The following SRBD1 variants were observed in gnomAD, a reference collection of about 807,000 sequenced individuals.
The protein encoded by SRBD1 is S1 RNA binding domain 1.
In SRBD1, 88 loss-of-function variants were observed where a neutral mutation model predicts 115.3. The ratio of observed to expected loss-of-function variants is 0.76; its 90% CI spans 0.64 to 0.91. The LOEUF (loss-of-function observed/expected upper bound fraction) is 0.91. SRBD1 is among the 40% of genes least tolerant of loss of function. SRBD1 has a pLI of 0.00. For missense variants in SRBD1, 1,385 were observed against 1,177.4 expected (o/e 1.18, Z -2.58); for synonymous variants, 509 against 407.7 (o/e 1.25, Z -2.99).
intron 16 of SRBD1, among the ~76,000 whole-genome samples, chr2:45,441,798 T>G (rs141304471): frequency 6.6e-6 from 1 of 152,318 alleles, no homozygotes; most frequent in East Asian, 1.9e-4. Context: ...TAGAAACGCT[T>G]TCTTAGCAGG....
chr2:45,541,537 C>T (rs994858576), intron 14 of SRBD1, among the ~76,000 whole-genome samples: 1 of 152,252 alleles, frequency 6.6e-6, no homozygotes, highest in Non-Finnish European at 1.5e-5. Context: ...AGGAACTTCA[C>T]TGAGTGACAG....
At chr2:45,409,547 A>G (rs1667536043) in intron 19 of SRBD1, among the ~76,000 whole-genome samples, 1 of 151,706 alleles carries the variant, frequency 6.6e-6, no homozygotes, top group Admixed American at 6.6e-5. Context: ...AGAAAAGAAA[A>G]AAAAGAAGCA....
intron 4 of SRBD1, among the ~76,000 whole-genome samples, chr2:45,590,834 T>C (rs886495486): frequency 1.3e-5 from 2 of 152,040 alleles, no homozygotes; most frequent in African/African-American, 4.8e-5. Context: ...CTGATCAATA[T>C]GATGAAACTC....
At chr2:45,393,970 G>A (rs184650512) in intron 19 of SRBD1, among the ~76,000 whole-genome samples, 20 of 152,116 alleles carry the variant, frequency 1.3e-4, no homozygotes, top group Admixed American at 7.9e-4. Context: ...CTCAAATTCC[G>A]TAACAGTTGA....
intron 19 of SRBD1, among the ~76,000 whole-genome samples, chr2:45,400,681 T>C (rs755788393): frequency 6.6e-6 from 1 of 151,756 alleles, no homozygotes; most frequent in Non-Finnish European, 1.5e-5. Flanking sequence ...ACAACAAAAA[T>C]AACAGCAATA....
intron 16 of SRBD1, among the ~76,000 whole-genome samples, chr2:45,456,512 G>T (rs1386764359): frequency 6.6e-6 from 1 of 151,856 alleles, no homozygotes. Context: ...AATGGCTACT[G>T]TCATATAACC....
At chr2:45,564,918 C>A (rs189847888) in intron 9 of SRBD1, among the ~76,000 whole-genome samples, 35 of 152,236 alleles carry the variant, frequency 2.3e-4, no homozygotes, top group Admixed American at 2.2e-3. Context: ...GAATCAATCT[C>A]CTGTATATAC....
intron 18 of SRBD1, among the ~76,000 whole-genome samples, chr2:45,416,739 TG>T (rs1186957086): frequency 6.6e-5 from 10 of 152,200 alleles, no homozygotes; most frequent in African/African-American, 2.4e-4. Context: ...TTTTACTTTT[TG>T]TTCTTTTTTT....
At chr2:45,556,267 A>G (rs191713760) in intron 10 of SRBD1, among the ~76,000 whole-genome samples, 35 of 152,246 alleles carry the variant, frequency 2.3e-4, no homozygotes, top group Admixed American at 2.2e-3. Context: ...GAAAAAAGGC[A>G]TGAATTCAAC....
chr2:45,497,596 T>C (rs555244609), intron 14 of SRBD1, among the ~76,000 whole-genome samples: 78 of 152,306 alleles, frequency 5.1e-4, no homozygotes, highest in African/African-American at 1.7e-3. Flanking sequence ...CAGATACTTC[T>C]GGTCCCGGGC....
chr2:45,549,592 G>A lies in SRBD1; in HGVS notation c.1675+1533C>T, dbSNP rs908673097. On this transcript the variant is annotated intron_variant, in intron 12 of 20. Coordinates refer to ENST00000263736, the MANE Select transcript of SRBD1 (RefSeq NM_018079.5). ...AGTAACGTTAATTCTGGCTCATGCT[G>A]GTAATCCCAGCACTTTGGAAGGCCA... 7.1e-4 allele frequency among the ~76,000 whole-genome samples: 107 copies of A among 149,932 alleles called. 2 individuals are homozygous for A. The highest frequency in any genetic ancestry group is 2.6e-3 in the African/African-American group (107 of 40,774).
chr2:45,482,739 TAC>T (rs1482056113), intron 15 of SRBD1, among the ~76,000 whole-genome samples: 1 of 151,936 alleles, frequency 6.6e-6, no homozygotes, highest in Non-Finnish European at 1.5e-5. Context: ...CTTTTAAAAG[TAC>T]AGTCATCCTG....
At chr2:45,529,340 T>G (rs1409634995) in intron 14 of SRBD1, among the ~76,000 whole-genome samples, 1 of 151,798 alleles carries the variant, frequency 6.6e-6, no homozygotes, top group Non-Finnish European at 1.5e-5. Context: ...AGTAAAAAAA[T>G]GAAGAGTAGA....
chr2:45,572,883 G>T (rs2053185), intron 9 of SRBD1, among the ~76,000 whole-genome samples: 31,377 of 152,012 alleles, frequency 0.21, 5,707 homozygotes, highest in African/African-American at 0.49. Flanking sequence ...GTATTTCACA[G>T]GGAAGAGATC....
intron 16 of SRBD1, among the ~76,000 whole-genome samples, chr2:45,453,971 G>C (rs986535837): frequency 1.3e-5 from 2 of 152,028 alleles, no homozygotes; most frequent in African/African-American, 2.4e-5. Flanking sequence ...CAAAATGTGA[G>C]TATTAAATTA....
At chr2:45,442,160 C>T (rs1218748589) in intron 16 of SRBD1, among the ~76,000 whole-genome samples, 1 of 152,160 alleles carries the variant, frequency 6.6e-6, no homozygotes, top group Non-Finnish European at 1.5e-5. Context: ...CTAGGAAGTC[C>T]TGACATGTCA....
intron 19 of SRBD1, among the ~76,000 whole-genome samples, chr2:45,402,393 T>C (rs1251846252): frequency 6.6e-6 from 1 of 152,198 alleles, no homozygotes; most frequent in African/African-American, 2.4e-5. Flanking sequence ...TACTCTCTGA[T>C]ACTTTTCAAC....
intron 4 of SRBD1, among the ~76,000 whole-genome samples, chr2:45,586,055 T>A (rs555256477): frequency 2.8e-4 from 42 of 152,292 alleles, no homozygotes; most frequent in Admixed American, 8.5e-4. Context: ...ATGATATACT[T>A]TTCATCTCTC....
chr2:45,551,230 T>C lies in SRBD1; in HGVS notation c.1570A>G (p.Asn524Asp). The C allele has an allele frequency of 6.2e-7, 1 of 1,613,012 alleles. No homozygotes were observed. Among genetic ancestry groups the C allele is most frequent in the South Asian group, 1.1e-5 (1 of 90,706 alleles). ...CTTGTTAAAAGGAGCTGACGAAGGT[T>C]CCGTCCAAACATCATTACTGATTCC... Reference protein sequence around the residue: ...EKESVMMFGRNLRQLLLTSPV... With the variant: ...EKESVMMFGRDLRQLLLTSPV... The change falls in exon 12 of 21, where the codon AAC becomes GAC. Residue 524 changes from asparagine (N) to aspartate (D), a missense_variant. Coordinates refer to ENST00000263736, the MANE Select transcript of SRBD1 (RefSeq NM_018079.5).
Sources: gnomAD v4.1 joint callset for allele counts (sites outside exome capture counted in the v4.1 genomes callset) on GRCh38, gnomAD v4.1.1 for gene constraint, MANE v1.5 for transcripts, NCBI Gene and HGNC (gene_info 2026-07-23, HGNC 2026-07-21) for gene names.